Variants in COBLL1 observed in about 807,000 individuals in gnomAD.
The protein encoded by COBLL1 is cordon-bleu WH2 repeat protein like 1, also known as cordon-bleu protein-like 1.
COBLL1 carries 50 observed loss-of-function variants against 94.8 expected under a neutral mutation model. That is an observed-to-expected ratio of 0.53 (90% confidence interval 0.42 to 0.67). The LOEUF is 0.67. Among genes scored for constraint, COBLL1 ranks in the 30% least tolerant of loss-of-function variants. COBLL1 has a pLI of 0.00. For synonymous variants in COBLL1, 448 were observed against 473.8 expected (o/e 0.95, Z 0.71); for missense variants, 1,362 against 1,348.7 (o/e 1.01, Z -0.15).
rs564320832 is a variant in COBLL1, at chr2:164,685,763, A to G, written c.*183T>C. The G allele has an allele frequency of 2.3e-5, 9 of 395,560 alleles. No homozygotes were observed. The East Asian group carries it at 3.4e-4, about 15-fold the overall frequency. The allele number at this position is 395,560 out of a possible 1,614,324, so 24.5% of individuals were successfully genotyped here. A position where few individuals can be genotyped will look rare whatever the true frequency, so the allele number is the denominator to read the frequency against. On this transcript the variant is annotated 3_prime_UTR_variant, in exon 14 of 14. Coordinates refer to ENST00000652658, the MANE Select transcript of COBLL1 (RefSeq NM_001365672.2). ...CTCTTAAGGCAAAAAAAAGATCAAA[A>G]AATTACTATAAATTATAAATTCTGG...
intron 7 of COBLL1, among the ~76,000 whole-genome samples, chr2:164,717,165 A>T (rs1043986275): frequency 3.3e-5 from 5 of 152,314 alleles, no homozygotes; most frequent in African/African-American, 7.2e-5. Context: ...TGGAGAAAAA[A>T]AATGGAAAAA....
Position 164,693,948 on chromosome 2 carries a change from A to C in COBLL1, c.3123+321T>G, listed in dbSNP as rs549331151. Among the ~76,000 whole-genome samples, 23 of 152,268 alleles carry C rather than the reference A, an allele frequency of 1.5e-4. 1 individual carries two copies. In the South Asian group the frequency reaches 4.8e-3, roughly 32 times the overall value. ...AACCAGAAGATTTAGACAAGTTAAAAACAAATTAAGATAACACAGGAAAAT... is the reference window on the plus strand; with the variant it reads ...AACCAGAAGATTTAGACAAGTTAAACACAAATTAAGATAACACAGGAAAAT... On this transcript the variant is annotated intron_variant, in intron 12 of 13. Coordinates refer to ENST00000652658, the MANE Select transcript of COBLL1 (RefSeq NM_001365672.2).
intron 2 of COBLL1, among the ~76,000 whole-genome samples, chr2:164,784,419 C>G (rs1688853371): frequency 6.6e-6 from 1 of 152,000 alleles, no homozygotes; most frequent in Non-Finnish European, 1.5e-5. Context: ...GTAGATATTT[C>G]TTTAGTCCTC....
intron 2 of COBLL1, among the ~76,000 whole-genome samples, chr2:164,777,365 T>C (rs1332837422): frequency 6.7e-6 from 1 of 149,102 alleles, no homozygotes; most frequent in Non-Finnish European, 1.5e-5. Context: ...CACACATTAC[T>C]GTTAAAGACA....
intron 2 of COBLL1, among the ~76,000 whole-genome samples, chr2:164,814,298 A>C (rs1224789109): frequency 2.0e-5 from 3 of 152,138 alleles, no homozygotes; most frequent in Admixed American, 2.0e-4. Context: ...TATATTCAAC[A>C]TACCTAACAT....
At chr2:164,798,986 T>C (rs12612832) in intron 2 of COBLL1, among the ~76,000 whole-genome samples, 53,196 of 132,094 alleles carry the variant, frequency 0.4, 10,072 homozygotes, top group Admixed American at 0.48. Flanking sequence ...CGCCACTGCA[T>C]CCCAGCCTGG....
chr2:164,716,070 C>T (rs1280660993), intron 7 of COBLL1, among the ~76,000 whole-genome samples: 2 of 152,128 alleles, frequency 1.3e-5, no homozygotes, highest in African/African-American at 4.8e-5. Context: ...GCTAATTTGT[C>T]AATAAGACCA....
In COBLL1 at chr2:164,796,852, G is replaced by C. The variant is rs553323100; in HGVS notation, c.41+44304C>G. ...CAGCAAGGTATGGTGGAGCACACCT[G>C]TAGTCCTAGCTACTAGGGAGGCTGA... On this transcript the variant is annotated intron_variant, in intron 2 of 13. Transcript: ENST00000652658. Among the ~76,000 whole-genome samples, 61 of 152,104 alleles carry C rather than the reference G, an allele frequency of 4.0e-4. 1 individual carries two copies. Among genetic ancestry groups the C allele is most frequent in the African/African-American group, 1.4e-3 (58 of 41,496 alleles).
chr2:164,777,769 TA>T (rs1437642166), intron 2 of COBLL1, among the ~76,000 whole-genome samples: 3 of 152,144 alleles, frequency 2.0e-5, no homozygotes, highest in South Asian at 2.1e-4. Flanking sequence ...GAAACTGGCA[TA>T]GGGGTACCTG....
chr2:164,710,897 G>A (rs538197441), intron 7 of COBLL1, among the ~76,000 whole-genome samples: 1 of 152,174 alleles, frequency 6.6e-6, no homozygotes, highest in South Asian at 2.1e-4. Flanking sequence ...TTTCTTCTGT[G>A]CACTTTAGGA....
At chr2:164,821,298 C>T (rs1509103) in intron 2 of COBLL1, among the ~76,000 whole-genome samples, 41,228 of 152,070 alleles carry the variant, frequency 0.27, 5,853 homozygotes, top group African/African-American at 0.34. Context: ...CCCACAAATG[C>T]CATCCCACTC....
chr2:164,823,647 TC>T (rs1257281748), intron 2 of COBLL1, among the ~76,000 whole-genome samples: 1 of 152,220 alleles, frequency 6.6e-6, no homozygotes, highest in Non-Finnish European at 1.5e-5. Flanking sequence ...CAACTCATTC[TC>T]ATAGATGACT....
intron 7 of COBLL1, among the ~76,000 whole-genome samples, chr2:164,708,325 G>T (rs1684709238): frequency 7.2e-6 from 1 of 137,994 alleles, no homozygotes; most frequent in Non-Finnish European, 1.5e-5. Flanking sequence ...AGTCAATTCT[G>T]ACTAAATATT....
chr2:164,819,790 T>G (rs112916575), intron 2 of COBLL1, among the ~76,000 whole-genome samples: 82 of 148,110 alleles, frequency 5.5e-4, no homozygotes, highest in African/African-American at 1.8e-3. Context: ...GAACATGTAG[T>G]TTTTTTTGCC....
intron 3 of COBLL1, among the ~76,000 whole-genome samples, chr2:164,736,597 T>A (rs1686324866): frequency 6.6e-6 from 1 of 152,310 alleles, no homozygotes; most frequent in Non-Finnish European, 1.5e-5. Context: ...TAATTATAAA[T>A]AATTACCATC....
At chr2:164,790,998 G>A (rs1683160893) in intron 2 of COBLL1, among the ~76,000 whole-genome samples, 1 of 152,156 alleles carries the variant, frequency 6.6e-6, no homozygotes, top group South Asian at 2.1e-4. Flanking sequence ...GAAGTCTCCA[G>A]TAAAGTCTGC....
At position 164,695,079 on chromosome 2, in the gene COBLL1, C is replaced by T; in HGVS notation, c.2313G>A (p.Glu771=). ...TTTGGATGGCAGTTTCTTTCACATT[C>T]TCATGAGTGTGCTTTTTCCCTAAAG... ...MHALGKKHTH[E]NVKETAIQTE... The change falls in exon 12 of 14, where the codon GAG becomes GAA. Residue 771 remains glutamate, a synonymous_variant. Transcript: ENST00000652658. 1 of 1,613,862 alleles carries T rather than the reference C, an allele frequency of 6.2e-7. No homozygotes were observed. Among genetic ancestry groups the T allele is most frequent in the Non-Finnish European group, 8.5e-7 (1 of 1,179,944 alleles).
At chr2:164,705,930 A>G (rs112254580) in intron 7 of COBLL1, among the ~76,000 whole-genome samples, 2 of 152,294 alleles carry the variant, frequency 1.3e-5, no homozygotes, top group African/African-American at 4.8e-5. Context: ...GCTACTCGGG[A>G]GGCTAAGGCA....
chr2:164,728,121 T>C lies in COBLL1; in HGVS notation c.509A>G (p.Gln170Arg). The C allele has an allele frequency of 6.2e-7, 1 of 1,613,758 alleles. No individual in the cohort carries two copies. The highest frequency in any genetic ancestry group is 8.5e-7 in the Non-Finnish European group (1 of 1,179,700). Residue 170 changes from glutamine (Q) to arginine (R), a missense_variant, in exon 5 of 14, where the codon CAA (glutamine) becomes CGA (arginine). Gln to Arg is a conservative substitution (Grantham distance 43). Transcript: ENST00000652658. The part of the protein sequence containing the change: ...IVRVSPHASL[Q>R]ELAPIICSKC... ...GCTACATATAATAGGGGCAAGCTCT[T>C]GAAGCGATGCATGTGGACTCACTCT... is the stretch of plus-strand genomic sequence containing the variant.
Sources: allele counts gnomAD v4.1 joint callset (sites outside exome capture counted in the v4.1 genomes callset), GRCh38; gene constraint gnomAD v4.1.1; transcripts MANE v1.5; gene names NCBI Gene and HGNC (gene_info 2026-07-23, HGNC 2026-07-21).